AACS: variants seen among roughly 807,000 people sequenced by gnomAD.
AACS encodes acetoacetate-CoA ligase.
A neutral mutation model predicts 83.1 loss-of-function variants in AACS; 69 were observed. That is an observed-to-expected ratio of 0.83 (90% CI 0.68 to 1.01). The LOEUF (loss-of-function observed/expected upper bound fraction) is 1.01, where lower values mean the gene tolerates loss of function less well. Among genes scored for constraint, AACS ranks in the 50% least tolerant of loss-of-function variants. The probability of loss-of-function intolerance (pLI) is 0.00; values close to 1 mark genes in which losing one functional copy is unlikely to be tolerated. For synonymous variants in AACS, 333 were observed against 343.4 expected, an observed-to-expected ratio of 0.97 and a Z score of 0.33; for missense variants, 866 against 882.2, an observed-to-expected ratio of 0.98 and a Z score of 0.23.
At position 125,124,709 on chromosome 12, in the gene AACS, A is replaced by G. The variant is rs775045513; in HGVS notation, c.1126A>G (p.Thr376Ala). ...LWDLVDRIGI[T>A]VLVTGAKWLS... ...TCTTTCCCGCCTGCACCCTAGCATCACTGTCCTGGTAACTGGGGCCAAGTG... is the reference window on the plus strand; with the variant it reads ...TCTTTCCCGCCTGCACCCTAGCATCGCTGTCCTGGTAACTGGGGCCAAGTG... The change falls in exon 11 of 18, where the codon ACT becomes GCT. Residue 376 changes from threonine (T) to alanine (A), a missense_variant. Coordinates refer to ENST00000316519, the MANE Select transcript of AACS (RefSeq NM_023928.5). The G allele has an allele frequency of 7.8e-5, 126 of 1,613,868 alleles. No homozygotes were observed. Among genetic ancestry groups the G allele is most frequent in the Non-Finnish European group, 1.0e-4 (121 of 1,180,030 alleles).
chr12:125,090,199 T>TCA (rs1956443508), intron 4 of AACS, among the ~76,000 whole-genome samples: 2 of 1,210 alleles, frequency 1.7e-3, no homozygotes, highest in Admixed American at 8.2e-3. Flanking sequence ...CATCTACCCA[T>TCA]TTACCCATTA....
In AACS at chr12:125,091,420, C is replaced by T. The variant is rs1956482477; in HGVS notation, c.473-6C>T. On this transcript the variant is annotated splice_polypyrimidine_tract_variant and splice_region_variant and intron_variant, in intron 4 of 17. Transcript: ENST00000316519. ...CCCAAGGCTTCTTCCTATGTTTTCT[C>T]CACAGGTTATTTACCCAACAGTGAG... The T allele has an allele frequency of 1.2e-6, 2 of 1,614,108 alleles. No individual in the cohort carries two copies. The highest frequency in any genetic ancestry group is 1.7e-6 in the Non-Finnish European group (2 of 1,179,934).
In AACS at chr12:125,086,567, C is replaced by T. The variant is rs1045127496; in HGVS notation, c.472+124C>T. ...TCATATTACATGGAACCTTGTGGGA[C>T]TTGGACTCTACATGCAAGGAGAAAA... On this transcript the variant is annotated intron_variant, in intron 4 of 17. Coordinates refer to ENST00000316519, the MANE Select transcript of AACS (RefSeq NM_023928.5). 1.8e-5 allele frequency: 15 copies of T among 837,238 alleles called. No individual in the cohort carries two copies. In the African/African-American group the frequency reaches 2.5e-4, roughly 14 times the overall value. 51.9% of individuals were successfully genotyped at this position (837,238 alleles called of 1,614,324 possible).
intron 10 of AACS, 65 bp from the exon 11 acceptor site, chr12:125,124,640 T>C: frequency 5.7e-6 from 9 of 1,589,368 alleles, no homozygotes; most frequent in Non-Finnish European, 6.9e-6. Context: ...ATCACTAACT[T>C]TAGAAAGCTT....
In AACS at chr12:125,085,434, A is replaced by G. The variant is rs200522824; in HGVS notation, c.359-896A>G. Among the ~76,000 whole-genome samples, 92 of 138,836 alleles carry G rather than the reference A, an allele frequency of 6.6e-4. No homozygotes were observed. In the East Asian group the frequency reaches 7.5e-3, roughly 11 times the overall value. 91.1% of individuals were successfully genotyped at this position (138,836 alleles called of 152,430 possible). A position where few individuals can be genotyped will look rare whatever the true frequency, so the allele number is the denominator to read the frequency against. ...TGCACCTTGCATCCACGTCTGTTTC[A>G]TGGAACCACGCACGTGCACGTTGCA... On this transcript the variant is annotated intron_variant, in intron 3 of 17. Coordinates refer to ENST00000316519, the MANE Select transcript of AACS (RefSeq NM_023928.5).
intron 4 of AACS, among the ~76,000 whole-genome samples, chr12:125,089,614 T>C (rs529166618): frequency 6.6e-6 from 1 of 152,232 alleles, no homozygotes; most frequent in Non-Finnish European, 1.5e-5. Flanking sequence ...CTCTTGACAG[T>C]ACTGCTTGTG....
intron 8 of AACS, among the ~76,000 whole-genome samples, chr12:125,112,670 C>T (rs1956978385): frequency 2.1e-5 from 1 of 48,030 alleles, no homozygotes; most frequent in African/African-American, 1.4e-4. Context: ...CAGAGCGAGA[C>T]TCTGTCTCAA....
intron 2 of AACS, 142 bp from the exon 3 acceptor site, chr12:125,076,349 T>A: frequency 8.5e-7 from 1 of 1,178,326 alleles, no homozygotes; most frequent in Non-Finnish European, 1.2e-6. Flanking sequence ...TAAAATGATT[T>A]AAAAATGCTC....
intron 12 of AACS, among the ~76,000 whole-genome samples, chr12:125,125,380 G>A (rs1231699478): frequency 1.3e-5 from 2 of 152,170 alleles, no homozygotes; most frequent in Admixed American, 6.5e-5. Flanking sequence ...CTGCCCCACC[G>A]TCAGGTGCTA....
At chr12:125,093,779 T>A (rs1956542648) in intron 5 of AACS, among the ~76,000 whole-genome samples, 1 of 152,214 alleles carries the variant, frequency 6.6e-6, no homozygotes, top group South Asian at 2.1e-4. Flanking sequence ...TTTGCTAGTG[T>A]CCGAGGTATA....
At chr12:125,091,271 G>A (rs901095324) in intron 4 of AACS, among the ~76,000 whole-genome samples, 155 bp from the exon 5 acceptor site, 1 of 152,110 alleles carries the variant, frequency 6.6e-6, no homozygotes, top group African/African-American at 2.4e-5. Context: ...GGCAGCAGGC[G>A]ATTCATCTGG....
intron 10 of AACS, among the ~76,000 whole-genome samples, 178 bp downstream of exon 10, chr12:125,118,943 T>C (rs896830711): frequency 6.6e-6 from 1 of 152,036 alleles, no homozygotes; most frequent in Non-Finnish European, 1.5e-5. Context: ...AAGCAGAAGG[T>C]GAAACTGTTA....
chr12:125,084,259 A>T (rs1002465539), intron 3 of AACS, among the ~76,000 whole-genome samples: 1 of 151,620 alleles, frequency 6.6e-6, no homozygotes, highest in Non-Finnish European at 1.5e-5. Context: ...CGGAGGGTGC[A>T]GTGAGCTGAG....
At position 125,118,665 on chromosome 12, in the gene AACS, A is replaced by T. The variant is rs909478322; in HGVS notation, c.1021A>T (p.Met341Leu). The change falls in exon 10 of 18, where the codon ATG (methionine) becomes TTG (leucine). Residue 341 changes from methionine (M) to leucine (L), a missense_variant. By Grantham distance (15) the Met-to-Leu change is conservative. Transcript: ENST00000316519. ...GGTCGGCTGGATGATGTGGAACTGG[A>T]TGGTGTCCCTTCTGGCCACAGGAGC... is the stretch of plus-strand genomic sequence containing the variant. ...TTVGWMMWNWMVSLLATGAAM... is the reference protein window; with the variant it reads ...TTVGWMMWNWLVSLLATGAAM... 6.2e-7 allele frequency: 1 copy of T among 1,614,072 alleles called. No individual in the cohort carries two copies. The highest frequency in any genetic ancestry group is 8.5e-7 in the Non-Finnish European group (1 of 1,180,004).
At chr12:125,065,775 G>T in intron 1 of AACS, 58 bp downstream of exon 1, 1 of 1,450,842 alleles carries the variant, frequency 6.9e-7, no homozygotes, top group Non-Finnish European at 9.0e-7. Context: ...GTGCAGGGTG[G>T]TTGGGTGGTC....
chr12:125,072,919 GTTTTTTTTTTT>G (rs200182531), intron 1 of AACS, among the ~76,000 whole-genome samples: 1 of 90,390 alleles, frequency 1.1e-5, no homozygotes, highest in Non-Finnish European at 2.2e-5. Flanking sequence ...TGTAACTTTT[GTTTTTTTTTTT>G]TTTTTTTTTT....
intron 3 of AACS, among the ~76,000 whole-genome samples, chr12:125,080,093 C>T (rs1956133242): frequency 1.3e-5 from 2 of 152,178 alleles, no homozygotes; most frequent in African/African-American, 2.4e-5. Flanking sequence ...TTCGTTGATC[C>T]CTAAGAGGCT....
At position 125,129,581 on chromosome 12, in the gene AACS, G is replaced by A; in HGVS notation, c.1549+121G>A. 1 of 1,302,394 alleles carries A rather than the reference G, an allele frequency of 7.7e-7. No individual in the cohort carries two copies. The highest frequency in any genetic ancestry group is 2.4e-5 in the Admixed American group (1 of 41,814). 80.7% of individuals were successfully genotyped at this position (1,302,394 alleles called of 1,614,324 possible). ...TCCCCCACCAGGGCTTGGAGAAGCT[G>A]CTTATAGTTCATTCCGCCAGTGGGG... On this transcript the variant is annotated intron_variant, in intron 14 of 17. Transcript: ENST00000316519. The surrounding 1 kb of genome is among the most constrained non-coding windows in gnomAD (Gnocchi z 4.3).
chr12:125,114,696 T>TGGCACATG (rs1275840152), intron 9 of AACS, 139 bp downstream of exon 9: 1 of 485,718 alleles, frequency 2.1e-6, no homozygotes, highest in Admixed American at 4.3e-5. Context: ...TGCTGGCCTG[T>TGGCACATG]GCTATACCAC....
Sources: gnomAD v4.1 joint callset for allele counts (sites outside exome capture counted in the v4.1 genomes callset) on GRCh38, gnomAD v4.1.1 for gene constraint, Gnocchi (gnomAD v3.1) non-coding constraint, MANE v1.5 for transcripts, NCBI Gene and HGNC (gene_info 2026-07-23, HGNC 2026-07-21) for gene names.